Variants in CCDC102A observed in about 807,000 individuals in gnomAD.
CCDC102A encodes coiled-coil domain-containing protein 102A.
CCDC102A carries 40 observed loss-of-function variants against 55.5 expected under a neutral mutation model. The ratio of observed to expected loss-of-function variants is 0.72; its 90% CI spans 0.56 to 0.94. The LOEUF (loss-of-function observed/expected upper bound fraction) is 0.94, where lower values mean the gene tolerates loss of function less well. CCDC102A is among the 40% of genes least tolerant of loss of function. The pLI is 0.00. For missense variants in CCDC102A, 779 were observed against 768.6 expected (o/e 1.01, Z -0.16); for synonymous variants, 323 against 339.0 (o/e 0.95, Z 0.52).
Position 57,521,078 on chromosome 16 carries a change from A to G in CCDC102A, c.911T>C (p.Met304Thr), listed in dbSNP as rs2032042794. 2 of 1,612,808 alleles carry G rather than the reference A, an allele frequency of 1.2e-6. No homozygotes were observed. The highest frequency in any genetic ancestry group is 2.2e-5 in the South Asian group (2 of 91,062). ...YEELSKTKQE[M>T]LKQLSILKEA... is the part of the protein sequence containing the mutation. ...GTCTCCAAGACTCACCTGCTTGAGC[A>G]TCTCCTGCTTGGTCTTGCTCAGCTC... The change falls in exon 4 of 9, where the codon ATG becomes ACG. Residue 304 changes from methionine (M) to threonine (T), a missense_variant. Transcript: ENST00000258214.
upstream of CCDC102A, among the ~76,000 whole-genome samples, chr16:57,536,956 T>A (rs886866094): frequency 6.6e-6 from 1 of 152,180 alleles, no homozygotes. Flanking sequence ...TTCACTGTTG[T>A]TACCTGCATT....
intron 1 of CCDC102A, among the ~76,000 whole-genome samples, chr16:57,532,884 A>G (rs373229109): frequency 5.3e-5 from 8 of 152,108 alleles, no homozygotes; most frequent in African/African-American, 1.9e-4. Context: ...TGTGCTGGGT[A>G]TGGGGGCCCG....
intron 1 of CCDC102A, among the ~76,000 whole-genome samples, chr16:57,535,145 A>G (rs547324109): frequency 7.2e-5 from 11 of 152,324 alleles, no homozygotes; most frequent in Admixed American, 6.5e-4. Flanking sequence ...GCCTGATTGA[A>G]TAAGTGCAGG....
At chr16:57,517,984 G>A (rs2031984461) in intron 6 of CCDC102A, 84 bp downstream of exon 6, 4 of 1,415,164 alleles carry the variant, frequency 2.8e-6, no homozygotes, top group Middle Eastern at 5.2e-4. Flanking sequence ...TTATCACCAG[G>A]CCTGACACAT....
In CCDC102A at chr16:57,529,426, GGA is replaced by G. The variant is rs1169526774; in HGVS notation, c.-147-104_-147-103del. 1 of 245,534 alleles carries G rather than the reference GGA, an allele frequency of 4.1e-6. No homozygotes were observed. The highest frequency in any genetic ancestry group is 1.2e-4 in the East Asian group (1 of 8,650). 15.2% of individuals were successfully genotyped at this position (245,534 alleles called of 1,614,324 possible). A position where few individuals can be genotyped will look rare whatever the true frequency, so the allele number is the denominator to read the frequency against. On this transcript the variant is annotated intron_variant, in intron 1 of 8. Transcript: ENST00000258214. This position sits in a 1 kb window ranked among gnomAD's most constrained non-coding sequence, Gnocchi z 4.1. ...AGGGAACAGAACGGCCAAGGTAGGA[GGA>G]GAGAGTTCTGTTCCAGGAGAGTCCC...
intron 3 of CCDC102A, among the ~76,000 whole-genome samples, chr16:57,521,480 A>C (rs1388279820): frequency 6.6e-6 from 1 of 152,098 alleles, no homozygotes; most frequent in Admixed American, 6.6e-5. Context: ...GCTCATCTGA[A>C]AATGGCTCCA....
intron 7 of CCDC102A, among the ~76,000 whole-genome samples, 162 bp from the exon 8 acceptor site, chr16:57,515,606 C>A (rs2031942362): frequency 6.7e-6 from 1 of 150,106 alleles, no homozygotes; most frequent in Non-Finnish European, 1.5e-5. Context: ...TCTAGAAAAG[C>A]ATCCCTTTGG....
intron 3 of CCDC102A, among the ~76,000 whole-genome samples, chr16:57,525,039 C>T (rs1171236151): frequency 1.3e-5 from 2 of 152,176 alleles, no homozygotes; most frequent in Non-Finnish European, 2.9e-5. Context: ...AGTTCCCTAT[C>T]CACACTCATT....
chr16:57,529,248 G>A lies in CCDC102A; in HGVS notation c.-71C>T. On this transcript the variant is annotated 5_prime_UTR_variant, in exon 2 of 9. Transcript: ENST00000258214. The surrounding 1 kb of genome is among the most constrained non-coding windows in gnomAD (Gnocchi z 4.1). ...GGGGCGGCTCCGGGGACGCGCGGCG[G>A]GCGCGATACAACTGTGCATGATGAC... 1 of 1,127,878 alleles carries A rather than the reference G, an allele frequency of 8.9e-7. No homozygotes were observed. The highest frequency in any genetic ancestry group is 1.1e-6 in the Non-Finnish European group (1 of 919,810). The allele number at this position is 1,127,878 out of a possible 1,614,324, so 69.9% of individuals were successfully genotyped here.
At chr16:57,534,817 AAG>A (rs1271723198) in intron 1 of CCDC102A, among the ~76,000 whole-genome samples, 1 of 152,188 alleles carries the variant, frequency 6.6e-6, no homozygotes, top group Non-Finnish European at 1.5e-5. Flanking sequence ...GGGTTGGAAT[AAG>A]AGGTCATCTC....
chr16:57,527,449 C>A (rs2032158441), intron 2 of CCDC102A, among the ~76,000 whole-genome samples: 1 of 138,314 alleles, frequency 7.2e-6, no homozygotes, highest in South Asian at 2.3e-4. Context: ...GATGGAGATT[C>A]ACTCTCGTTG....
At chr16:57,524,945 G>A (rs1219594609) in intron 3 of CCDC102A, among the ~76,000 whole-genome samples, 1 of 152,030 alleles carries the variant, frequency 6.6e-6, no homozygotes, top group African/African-American at 2.4e-5. Flanking sequence ...TCCCAGCCCG[G>A]CTCCCTTCTC....
At chr16:57,519,635 A>T (rs1316383030) in intron 4 of CCDC102A, among the ~76,000 whole-genome samples, 1 of 152,256 alleles carries the variant, frequency 6.6e-6, no homozygotes, top group Non-Finnish European at 1.5e-5. Context: ...CAGATACAAA[A>T]GAGAACCTTT....
Position 57,512,764 on chromosome 16 carries a change from C to A in CCDC102A, c.1630G>T (p.Asp544Tyr), listed in dbSNP as rs747122669. The change falls in exon 9 of 9, where the codon GAC (aspartate) becomes TAC (tyrosine). Residue 544 changes from aspartate to tyrosine, a missense_variant. Transcript: ENST00000258214. ...DGTSDLDEDEDLQIQVA is the reference protein window; with the variant it reads ...DGTSDLDEDEYLQIQVA ...CTCTAGGCCACCTGGATTTGCAGGTCCTCGTCCTCGTCCAGGTCACTGGTT... is the reference window on the plus strand; with the variant it reads ...CTCTAGGCCACCTGGATTTGCAGGTACTCGTCCTCGTCCAGGTCACTGGTT... 82 of 1,614,056 alleles carry A rather than the reference C, an allele frequency of 5.1e-5. No individual in the cohort carries two copies. The highest frequency in any genetic ancestry group is 5.8e-5 in the Non-Finnish European group (69 of 1,179,940).
Position 57,528,764 on chromosome 16 carries a change from G to A in CCDC102A, c.414C>T (p.Gly138=). The A allele has an allele frequency of 1.7e-6, 2 of 1,183,228 alleles. No individual in the cohort carries two copies. The highest frequency in any genetic ancestry group is 1.1e-6 in the Non-Finnish European group (1 of 949,124). 73.3% of individuals were successfully genotyped at this position (1,183,228 alleles called of 1,614,324 possible). A position where few individuals can be genotyped will look rare whatever the true frequency, so the allele number is the denominator to read the frequency against. ...GCGCCTCTTGGCGCTCGCGCCGTGC[G>A]CCCGCCAGCTCCTTGGTGAGCGCGT... ...RLDALTKELA[G]ARRERQEAQG... The change falls in exon 2 of 9, where the codon GGC becomes GGT. Residue 138 remains glycine, a synonymous_variant. Transcript: ENST00000258214.
intron 3 of CCDC102A, 26 bp from the exon 4 acceptor site, chr16:57,521,202 G>C: frequency 1.3e-6 from 2 of 1,571,974 alleles, no homozygotes; most frequent in Non-Finnish European, 1.7e-6. Context: ...ACATGGGGGT[G>C]AGCCCACCAA....
chr16:57,521,600 T>A (rs187007743), intron 3 of CCDC102A, among the ~76,000 whole-genome samples: 1 of 152,218 alleles, frequency 6.6e-6, no homozygotes, highest in Non-Finnish European at 1.5e-5. Flanking sequence ...CTATGTTCCC[T>A]GCAAGGCTTG....
chr16:57,518,267 A>G lies in CCDC102A; in HGVS notation c.1049T>C (p.Leu350Pro). The change falls in exon 6 of 9, where the codon CTG becomes CCG. Residue 350 changes from leucine to proline, a missense_variant. Transcript: ENST00000258214. ...CCACTCCGCAGCGTTTTCGGCCTGC[A>G]GCCGCTCCATCTGCAGCAGGGCAGG... ...MAELRGEMER[L>P]QAENAAEWGR... The G allele has an allele frequency of 1.2e-6, 2 of 1,608,964 alleles. No individual in the cohort carries two copies. The highest frequency in any genetic ancestry group is 1.7e-4 in the Middle Eastern group (1 of 6,058).
chr16:57,533,480 TCACA>T (rs1377743567), intron 1 of CCDC102A, among the ~76,000 whole-genome samples: 9 of 144,736 alleles, frequency 6.2e-5, no homozygotes, highest in African/African-American at 7.8e-5. Flanking sequence ...ATGCACACAT[TCACA>T]CACACACCCC....
Sources: allele counts gnomAD v4.1 joint callset (sites outside exome capture counted in the v4.1 genomes callset), GRCh38; gene constraint gnomAD v4.1.1; non-coding constraint Gnocchi (gnomAD v3.1); transcripts MANE v1.5; gene names NCBI Gene and HGNC (gene_info 2026-07-23, HGNC 2026-07-21).